Variants in BRINP1 observed in about 807,000 individuals in gnomAD.
BRINP1 encodes BMP/retinoic acid inducible neural specific 1.
Under a neutral mutation model 72.9 loss-of-function variants are expected in BRINP1, and 17 were observed. The ratio of observed to expected loss-of-function variants is 0.23; its 90% confidence interval spans 0.16 to 0.35. The LOEUF (loss-of-function observed/expected upper bound fraction) is 0.35, where lower values mean the gene tolerates loss of function less well. BRINP1 is among the 10% of genes least tolerant of loss of function. The pLI, the probability that BRINP1 is intolerant of heterozygous loss-of-function variation, is 1.00. For missense variants in BRINP1, 850 were observed against 1,001.6 expected, an observed-to-expected ratio of 0.85 and a Z score of 2.04; for synonymous variants, 418 against 378.5, an observed-to-expected ratio of 1.10 and a Z score of -1.21.
At chr9:119,284,591 G>A (rs775281546) in intron 2 of BRINP1, among the ~76,000 whole-genome samples, 6 of 152,112 alleles carry the variant, frequency 3.9e-5, no homozygotes, top group Non-Finnish European at 8.8e-5. Flanking sequence ...TTTTCTTAGG[G>A]CTTTTCCAAG....
intron 2 of BRINP1, among the ~76,000 whole-genome samples, chr9:119,303,973 C>T (rs1190137428): frequency 4.6e-5 from 7 of 151,080 alleles, no homozygotes; most frequent in Admixed American, 6.6e-5. Context: ...TCTGCCTCCT[C>T]GATTCAAGGG....
intron 2 of BRINP1, among the ~76,000 whole-genome samples, chr9:119,284,328 C>G (rs887484659): frequency 1.3e-5 from 2 of 152,208 alleles, no homozygotes; most frequent in African/African-American, 2.4e-5. Flanking sequence ...TCTCTTCCCG[C>G]TGTGGGAGGC....
At chr9:119,309,099 A>G (rs1275630013) in intron 2 of BRINP1, among the ~76,000 whole-genome samples, 1 of 152,200 alleles carries the variant, frequency 6.6e-6, no homozygotes, top group Non-Finnish European at 1.5e-5. Flanking sequence ...CAACATCTGA[A>G]GTGGAAGAGG....
intron 1 of BRINP1, among the ~76,000 whole-genome samples, chr9:119,316,683 T>G (rs1442690786): frequency 1.3e-5 from 2 of 152,084 alleles, no homozygotes; most frequent in Non-Finnish European, 2.9e-5. Flanking sequence ...TATCCAGAAC[T>G]ACTGTGCAGA....
chr9:119,194,748 A>G (rs1359708506), intron 7 of BRINP1, among the ~76,000 whole-genome samples: 1 of 152,144 alleles, frequency 6.6e-6, no homozygotes, highest in Non-Finnish European at 1.5e-5. Context: ...TTCTGCCAAC[A>G]CCTTGAAGGA....
At chr9:119,305,702 A>G (rs145384427) in intron 2 of BRINP1, among the ~76,000 whole-genome samples, 49 of 152,236 alleles carry the variant, frequency 3.2e-4, no homozygotes, top group African/African-American at 1.1e-3. Flanking sequence ...AATGCAATGT[A>G]AGTTCCCATT....
chr9:119,301,863 C>G (rs545603579), intron 2 of BRINP1, among the ~76,000 whole-genome samples: 15 of 152,240 alleles, frequency 9.9e-5, no homozygotes, highest in African/African-American at 3.4e-4. Flanking sequence ...CTACTTTATT[C>G]CAAGACAGTT....
chr9:119,212,832 G>A (rs185812606), intron 6 of BRINP1, among the ~76,000 whole-genome samples: 20 of 152,170 alleles, frequency 1.3e-4, no homozygotes, highest in Non-Finnish European at 2.6e-4. Flanking sequence ...AATCTTTCAG[G>A]GTGTTCTAGC....
At chr9:119,179,666 G>A (rs976014833) in intron 7 of BRINP1, among the ~76,000 whole-genome samples, 15 of 152,098 alleles carry the variant, frequency 9.9e-5, no homozygotes, top group Admixed American at 2.0e-4. Context: ...TTATCCCACC[G>A]ATGAGGGCAT....
chr9:119,341,049 C>T (rs2119023524), intron 1 of BRINP1, among the ~76,000 whole-genome samples: 1 of 152,342 alleles, frequency 6.6e-6, no homozygotes, highest in Middle Eastern at 3.4e-3. Context: ...TCTCTTTGGA[C>T]TTCCTTCTTC....
intron 6 of BRINP1, among the ~76,000 whole-genome samples, chr9:119,209,889 T>C (rs1475783888): frequency 6.6e-6 from 1 of 152,228 alleles, no homozygotes; most frequent in Non-Finnish European, 1.5e-5. Context: ...TTTGAAGTTG[T>C]ATGGGTGTCC....
intron 2 of BRINP1, among the ~76,000 whole-genome samples, chr9:119,262,570 C>T (rs1379969803): frequency 3.3e-5 from 5 of 150,028 alleles, no homozygotes; most frequent in African/African-American, 7.4e-5. Flanking sequence ...TGCTTGAACC[C>T]GGGAGGCAGA....
chr9:119,344,194 T>C (rs769235700), intron 1 of BRINP1, among the ~76,000 whole-genome samples: 4 of 152,214 alleles, frequency 2.6e-5, no homozygotes, highest in Non-Finnish European at 4.4e-5. Context: ...ATCTGGATAA[T>C]AACTACATGC....
At chr9:119,311,761 T>C (rs12378746) in intron 2 of BRINP1, among the ~76,000 whole-genome samples, 38,796 of 152,078 alleles carry the variant, frequency 0.26, 5,935 homozygotes, top group Non-Finnish European at 0.33. Context: ...ACCCCCCAGA[T>C]GTTTACAAAT....
intron 5 of BRINP1, among the ~76,000 whole-genome samples, chr9:119,236,829 A>T (rs1014214964): frequency 1.3e-5 from 2 of 151,290 alleles, no homozygotes; most frequent in African/African-American, 4.9e-5. Flanking sequence ...TTTTCTGTCT[A>T]CTCTTTTTTC....
intron 2 of BRINP1, 118 bp from the exon 3 acceptor site, chr9:119,249,268 T>C: frequency 1.1e-6 from 1 of 886,250 alleles, no homozygotes; most frequent in Non-Finnish European, 1.7e-6. Flanking sequence ...ACAATTTTAA[T>C]ATGTGTCAAG....
chr9:119,261,707 A>G (rs1036858355), intron 2 of BRINP1, among the ~76,000 whole-genome samples: 5 of 152,194 alleles, frequency 3.3e-5, no homozygotes, highest in African/African-American at 9.7e-5. Context: ...GCAAGCTCAC[A>G]TGGTATTTTC....
chr9:119,324,712 G>A (rs1201607607), intron 1 of BRINP1, among the ~76,000 whole-genome samples: 1 of 152,178 alleles, frequency 6.6e-6, no homozygotes, highest in Non-Finnish European at 1.5e-5. Flanking sequence ...AAGTTAATAT[G>A]TGTAAATAAT....
chr9:119,338,735 A>G (rs1324164275), intron 1 of BRINP1, among the ~76,000 whole-genome samples: 3 of 150,124 alleles, frequency 2.0e-5, no homozygotes, highest in Non-Finnish European at 4.4e-5. Flanking sequence ...AAAAAAAAGA[A>G]GAAGAAGAAA....
Sources: gnomAD v4.1 joint callset for allele counts (sites outside exome capture counted in the v4.1 genomes callset) on GRCh38, gnomAD v4.1.1 for gene constraint, MANE v1.5 for transcripts, NCBI Gene and HGNC (gene_info 2026-07-23, HGNC 2026-07-21) for gene names.